The following ERI1 variants were observed in gnomAD, a reference collection of about 807,000 sequenced individuals.
The protein encoded by ERI1 is exoribonuclease 1.
Under a neutral mutation model 39.7 loss-of-function variants are expected in ERI1, and 39 were observed. The ratio of observed to expected loss-of-function variants is 0.98; its 90% CI spans 0.76 to 1.28. ERI1 has a LOEUF of 1.28. ERI1 is among the 50% of genes most tolerant of loss of function. The pLI is 0.00. For missense variants in ERI1, 581 were observed against 416.9 expected (o/e 1.39, Z -3.43); for synonymous variants, 204 against 149.6 (o/e 1.36, Z -2.65).
intron 4 of ERI1, 23 bp from the exon 5 acceptor site, chr8:9,018,274 A>T: frequency 6.9e-7 from 1 of 1,453,982 alleles, no homozygotes; most frequent in South Asian, 1.2e-5. Context: ...TGATTTTTGT[A>T]TATTTTACTT....
At chr8:9,073,212 CATT>C (rs1413095886) in intron 3 of ERI1, among the ~76,000 whole-genome samples, 1 of 152,236 alleles carries the variant, frequency 6.6e-6, no homozygotes, top group Non-Finnish European at 1.5e-5. Flanking sequence ...AGTGAATCAA[CATT>C]ATTTATCTTT....
chr8:9,005,514 G>GTT (rs60847461), intron 1 of ERI1, among the ~76,000 whole-genome samples: 1,742 of 130,774 alleles, frequency 0.013, 33 homozygotes, highest in South Asian at 0.06. Context: ...GTTTTTTTAT[G>GTT]TTTTTTTTTT....
intron 4 of ERI1, among the ~76,000 whole-genome samples, chr8:9,017,788 G>C (rs895653159): frequency 6.6e-6 from 1 of 152,146 alleles, no homozygotes; most frequent in African/African-American, 2.4e-5. Flanking sequence ...GATCCTGAAG[G>C]GTCTTGTGCA....
chr8:9,026,445 C>A (rs1797166239), intron 6 of ERI1, among the ~76,000 whole-genome samples: 1 of 152,112 alleles, frequency 6.6e-6, no homozygotes, highest in Non-Finnish European at 1.5e-5. Flanking sequence ...ATCAGTTTGA[C>A]TTATCTATAT....
chr8:9,063,768 C>T (rs567785151), intron 3 of ERI1, among the ~76,000 whole-genome samples: 15 of 152,182 alleles, frequency 9.9e-5, no homozygotes, highest in East Asian at 9.7e-4. Flanking sequence ...TTGAAAGTGC[C>T]GTTTTCTGGC....
intron 3 of ERI1, among the ~76,000 whole-genome samples, chr8:9,084,242 G>C (rs931393616): frequency 1.3e-5 from 2 of 152,120 alleles, no homozygotes; most frequent in African/African-American, 4.8e-5. Context: ...TCCAGCCTGG[G>C]AAACAGTGAG....
At chr8:9,037,890 T>TG (rs139374560), downstream of ERI1, among the ~76,000 whole-genome samples, 2 of 115,852 alleles carry the variant, frequency 1.7e-5, no homozygotes, top group Admixed American at 7.7e-5. Flanking sequence ...CATTGCTGAT[T>TG]TAAAAAAAAA....
intron 3 of ERI1, among the ~76,000 whole-genome samples, chr8:9,081,115 A>G (rs960234346): frequency 2.1e-4 from 32 of 152,312 alleles, no homozygotes; most frequent in African/African-American, 7.7e-4. Flanking sequence ...AGCAGGGACA[A>G]CTGTCATTTA....
At chr8:9,084,178 C>T (rs989148870) in intron 3 of ERI1, among the ~76,000 whole-genome samples, 4 of 152,074 alleles carry the variant, frequency 2.6e-5, no homozygotes, top group Non-Finnish European at 5.9e-5. Context: ...AGGAGGATCA[C>T]CTGAGCCTAG....
chr8:9,008,242 C>A (rs1242600515), intron 2 of ERI1, 94 bp downstream of exon 2: 2 of 1,095,530 alleles, frequency 1.8e-6, no homozygotes, highest in African/African-American at 3.2e-5. Context: ...ATCTGTAATC[C>A]TACCGTAATG....
intron 1 of ERI1, 57 bp from the exon 2 acceptor site, chr8:9,007,913 T>C: frequency 6.5e-7 from 1 of 1,541,916 alleles, no homozygotes; most frequent in Non-Finnish European, 8.7e-7. Flanking sequence ...CTGTGATGTT[T>C]GTACTAATTA....
intron 3 of ERI1, among the ~76,000 whole-genome samples, chr8:9,079,509 G>T (rs1274557121): frequency 6.6e-6 from 1 of 152,122 alleles, no homozygotes; most frequent in East Asian, 1.9e-4. Context: ...GAATGGGCTA[G>T]CAAAAAAGAG....
chr8:9,022,247 G>GCGAA (rs1460505387), intron 6 of ERI1, among the ~76,000 whole-genome samples: 2 of 151,870 alleles, frequency 1.3e-5, no homozygotes, highest in Non-Finnish European at 2.9e-5. Flanking sequence ...TTGCTTTTTT[G>GCGAA]CGAACCCCTT....
At chr8:9,034,711 C>T (rs2921383), downstream of ERI1, among the ~76,000 whole-genome samples, 59,520 of 151,976 alleles carry the variant, frequency 0.39, 13,714 homozygotes, top group East Asian at 0.68. Flanking sequence ...TCTAAGTGTT[C>T]AGGTGAAAGG....
At position 9,045,381 on chromosome 8, in the gene ERI1, T is replaced by C. The variant is rs553034467; in HGVS notation, n.299+24917T>C. ...TTACGTATACTTGCACTGAAACGAA[T>C]TGCTCACTCCAGCTGTATAGGTCTA... On this transcript the variant is annotated intron_variant and non_coding_transcript_variant, in intron 3 of 3. Coordinates refer to the ERI1 transcript ENST00000518663. Among the ~76,000 whole-genome samples the C allele has an allele frequency of 1.2e-4, 18 of 152,226 alleles. No individual in the cohort carries two copies. In the East Asian group the frequency reaches 3.5e-3, roughly 29 times the overall value.
Position 9,028,746 on chromosome 8 carries a change from C to G in ERI1, c.808-1046C>G, listed in dbSNP as rs567791311. On this transcript the variant is annotated intron_variant, in intron 6 of 6. Transcript: ENST00000250263. The stretch of plus-strand genomic sequence containing the variant: ...TCAAGGGATTCTTCTGCCTCAGCCT[C>G]CCGAGTAGCTGGGATTACAGGCGCA... Among the ~76,000 whole-genome samples, 32 of 152,042 alleles carry G rather than the reference C, an allele frequency of 2.1e-4. 1 individual carries two copies. The South Asian group carries it at 6.4e-3, about 31-fold the overall frequency.
At chr8:9,090,947 C>T (rs1178225743) in intron 3 of ERI1, among the ~76,000 whole-genome samples, 1 of 152,100 alleles carries the variant, frequency 6.6e-6, no homozygotes, top group Non-Finnish European at 1.5e-5. Flanking sequence ...TGTAATATTA[C>T]TTTCTAATAC....
downstream of ERI1, among the ~76,000 whole-genome samples, chr8:9,036,777 G>A (rs1262303827): frequency 6.6e-6 from 1 of 152,158 alleles, no homozygotes; most frequent in Non-Finnish European, 1.5e-5. Context: ...CACCATCACT[G>A]GTGATGGCAG....
intron 3 of ERI1, among the ~76,000 whole-genome samples, chr8:9,042,892 G>A (rs1046301125): frequency 6.6e-6 from 1 of 152,206 alleles, no homozygotes; most frequent in Non-Finnish European, 1.5e-5. Flanking sequence ...ACCTACACGT[G>A]CACCTGCTTC....
Sources: gnomAD v4.1 joint callset for allele counts (sites outside exome capture counted in the v4.1 genomes callset) on GRCh38, gnomAD v4.1.1 for gene constraint, MANE v1.5 for transcripts, NCBI Gene and HGNC (gene_info 2026-07-23, HGNC 2026-07-21) for gene names.